Variants in LSAMP observed in about 807,000 individuals in gnomAD.
LSAMP encodes limbic system associated membrane protein.
LSAMP carries 7 observed loss-of-function variants against 38.6 expected under a neutral mutation model. The ratio of observed to expected loss-of-function variants is 0.18; its 90% CI spans 0.10 to 0.34. LSAMP has a LOEUF of 0.34. LSAMP is among the 10% of genes least tolerant of loss of function. LSAMP has a pLI of 1.00. For missense variants in LSAMP, 313 were observed against 420.0 expected (o/e 0.75, Z 2.23); for synonymous variants, 154 against 166.8 (o/e 0.92, Z 0.59).
intron 3 of LSAMP, among the ~76,000 whole-genome samples, chr3:115,866,568 C>T (rs1935867186): frequency 6.6e-6 from 1 of 152,102 alleles, no homozygotes. Context: ...GGCTACTGAC[C>T]TTCTCAAGTG....
intron 1 of LSAMP, among the ~76,000 whole-genome samples, chr3:116,126,899 A>T (rs879683470): frequency 2.6e-5 from 4 of 152,214 alleles, no homozygotes; most frequent in Admixed American, 6.5e-5. Flanking sequence ...AGCTAGGGAG[A>T]TGAGGAAATT....
chr3:116,273,648 T>A (rs1355484473), intron 1 of LSAMP, among the ~76,000 whole-genome samples: 1 of 112,604 alleles, frequency 8.9e-6, no homozygotes, highest in African/African-American at 4.0e-5. Context: ...GTTAGAGGAA[T>A]ACCCCAGAGG....
In LSAMP at chr3:116,124,008, G is replaced by T. The variant is rs111464901; in HGVS notation, c.156-37452C>A. Among the ~76,000 whole-genome samples, 7 of 152,238 alleles carry T rather than the reference G, an allele frequency of 4.6e-5. No homozygotes were observed. The South Asian group carries it at 6.2e-4, about 14-fold the overall frequency. On this transcript the variant is annotated intron_variant, in intron 1 of 6. Transcript: ENST00000490035. ...ATAAGAGTATAATTTTGGGGCAAAG[G>T]CTTCCTTACCATCTTGTATGGTTGA...
At chr3:115,935,650 T>A (rs1323275773) in intron 3 of LSAMP, among the ~76,000 whole-genome samples, 1 of 152,224 alleles carries the variant, frequency 6.6e-6, no homozygotes, top group African/African-American at 2.4e-5. Context: ...GAGATATACC[T>A]CTGCACCTTT....
In LSAMP at chr3:116,445,321, G is replaced by A; in HGVS notation, c.-290C>T. On this transcript the variant is annotated 5_prime_UTR_variant, in exon 1 of 7. Coordinates refer to ENST00000490035, the MANE Select transcript of LSAMP (RefSeq NM_002338.5). ...GCCCTCTGGAAGAGCTGAAGAGGAA[G>A]CCAAAGGAAAGGGTTCTTGTTTGGT... The A allele has an allele frequency of 1.8e-6, 1 of 563,686 alleles. No homozygotes were observed. 34.9% of individuals were successfully genotyped at this position (563,686 alleles called of 1,614,324 possible).
intron 1 of LSAMP, among the ~76,000 whole-genome samples, chr3:116,188,628 G>A (rs1402116993): frequency 6.6e-6 from 1 of 152,084 alleles, no homozygotes; most frequent in Non-Finnish European, 1.5e-5. Flanking sequence ...TTCTTTTATT[G>A]TAACCTAATG....
chr3:115,820,256 T>A (rs1330984378), intron 6 of LSAMP, among the ~76,000 whole-genome samples: 2 of 152,224 alleles, frequency 1.3e-5, no homozygotes, highest in African/African-American at 4.8e-5. Flanking sequence ...CTATGATTTT[T>A]ATGCCTTTCA....
At position 116,425,754 on chromosome 3, in the gene LSAMP, T is replaced by A. The variant is rs1019370081; in HGVS notation, c.155+19123A>T. Among the ~76,000 whole-genome samples, 6 of 146,640 alleles carry A rather than the reference T, an allele frequency of 4.1e-5. No individual in the cohort carries two copies. The East Asian group carries it at 6.0e-4, about 15-fold the overall frequency. On this transcript the variant is annotated intron_variant, in intron 1 of 6. Transcript: ENST00000490035. Reference sequence around the variant, plus strand: ...ATAAGTCCATAAATAATAAATAAATTAATTAATTAGAGGGGAAAACAATAA... The same window carrying A: ...ATAAGTCCATAAATAATAAATAAATAAATTAATTAGAGGGGAAAACAATAA...
At chr3:116,415,815 T>C (rs1218801333) in intron 1 of LSAMP, among the ~76,000 whole-genome samples, 1 of 152,092 alleles carries the variant, frequency 6.6e-6, no homozygotes, top group Non-Finnish European at 1.5e-5. Flanking sequence ...CTGGACTATA[T>C]CAACAAGGCT....
rs1940515554 is a variant in LSAMP, at chr3:116,017,474, A to G, written c.514+2041T>C. On this transcript the variant is annotated intron_variant, in intron 3 of 6. Coordinates refer to ENST00000490035, the MANE Select transcript of LSAMP (RefSeq NM_002338.5). ...TAAGTTAATTAGAAAAGGTGAGACA[A>G]AATAAAAATAATGGTAAGAAAACAA... Among the ~76,000 whole-genome samples the G allele has an allele frequency of 1.3e-5, 2 of 152,154 alleles. 1 individual carries two copies. The highest frequency in any genetic ancestry group is 4.1e-4 in the South Asian group (2 of 4,836).
chr3:115,845,639 C>T lies in LSAMP; in HGVS notation c.650-3061G>A, dbSNP rs78409902. ...CTTTCTGCTTTCATGTGGGCAGGCC[C>T]GTCCCACCCCAGGGTTGCCATGCAT... On this transcript the variant is annotated intron_variant, in intron 4 of 6. Transcript: ENST00000490035. Among the ~76,000 whole-genome samples, 304 of 152,276 alleles carry T rather than the reference C, an allele frequency of 2.0e-3. 4 individuals carry two copies. Among genetic ancestry groups the T allele is most frequent in the African/African-American group, 6.6e-3 (275 of 41,550 alleles).
At chr3:116,326,190 T>TGTTCC (rs1349044000) in intron 1 of LSAMP, among the ~76,000 whole-genome samples, 1 of 152,118 alleles carries the variant, frequency 6.6e-6, no homozygotes, top group Non-Finnish European at 1.5e-5. Context: ...ACCCTGACCA[T>TGTTCC]GTTCCAGTGG....
chr3:115,966,129 T>C (rs1278929077), intron 3 of LSAMP, among the ~76,000 whole-genome samples: 1 of 152,216 alleles, frequency 6.6e-6, no homozygotes, highest in African/African-American at 2.4e-5. Flanking sequence ...AAAAGTGTTC[T>C]GTACATCTTT....
At chr3:116,078,334 A>T (rs1362235589) in intron 2 of LSAMP, among the ~76,000 whole-genome samples, 9 of 147,418 alleles carry the variant, frequency 6.1e-5, no homozygotes, top group East Asian at 2.0e-4. Context: ...TTATTTATTT[A>T]TTTTTTTTGA....
At chr3:116,039,767 C>T (rs9868706) in intron 2 of LSAMP, among the ~76,000 whole-genome samples, 17,803 of 152,106 alleles carry the variant, frequency 0.12, 1,260 homozygotes, top group Non-Finnish European at 0.16. Flanking sequence ...GAGCCTGCTG[C>T]GTGAGAGAGA....
At chr3:116,444,465 TA>T (rs1209662559) in intron 1 of LSAMP, among the ~76,000 whole-genome samples, 1 of 148,978 alleles carries the variant, frequency 6.7e-6, no homozygotes, top group Admixed American at 6.7e-5. Flanking sequence ...CTGAGAGCCA[TA>T]ATCCAACAAC....
chr3:116,201,210 A>G (rs1476600547), intron 1 of LSAMP, among the ~76,000 whole-genome samples: 2 of 152,088 alleles, frequency 1.3e-5, no homozygotes, highest in East Asian at 1.9e-4. Flanking sequence ...GCATGTGCCC[A>G]TGTGCCCAGA....
intron 1 of LSAMP, among the ~76,000 whole-genome samples, chr3:116,230,442 G>C (rs1304638654): frequency 6.6e-6 from 1 of 152,134 alleles, no homozygotes. Flanking sequence ...CTATGCTATT[G>C]TAGCTGTTTT....
intron 1 of LSAMP, among the ~76,000 whole-genome samples, chr3:116,248,704 C>T (rs1441360930): frequency 2.6e-5 from 4 of 152,164 alleles, no homozygotes; most frequent in African/African-American, 9.6e-5. Context: ...TCATCTCTCC[C>T]CTTTCCTTCC....
Sources: allele counts gnomAD v4.1 joint callset (sites outside exome capture counted in the v4.1 genomes callset), GRCh38; gene constraint gnomAD v4.1.1; transcripts MANE v1.5; gene names NCBI Gene and HGNC (gene_info 2026-07-23, HGNC 2026-07-21).